Variants in CLEC17A observed in about 807,000 individuals in gnomAD.
The protein encoded by CLEC17A is C-type lectin domain containing 17A, also known as C-type lectin domain family 17, member A.
In CLEC17A, 37 loss-of-function variants were observed where a neutral mutation model predicts 61.3. That is an observed-to-expected ratio of 0.60 (90% confidence interval 0.46 to 0.79). The LOEUF (loss-of-function observed/expected upper bound fraction) is 0.79, where lower values mean the gene tolerates loss of function less well. Among genes scored for constraint, CLEC17A ranks in the 30% least tolerant of loss-of-function variants. CLEC17A has a pLI of 0.00. For synonymous variants in CLEC17A, 168 were observed against 164.9 expected, an observed-to-expected ratio of 1.02 and a Z score of -0.14; for missense variants, 418 against 464.7, an observed-to-expected ratio of 0.90 and a Z score of 0.92.
At chr19:14,600,775 C>G (rs1322463024) in intron 12 of CLEC17A, among the ~76,000 whole-genome samples, 1 of 151,112 alleles carries the variant, frequency 6.6e-6, no homozygotes, top group African/African-American at 2.4e-5. Flanking sequence ...TTAGTAGAGA[C>G]AGGGTTTCAC....
At chr19:14,599,079 CTTTTTT>C (rs796835309) in intron 10 of CLEC17A, among the ~76,000 whole-genome samples, 1,110 of 56,970 alleles carry the variant, frequency 0.019, 25 homozygotes, top group African/African-American at 0.081. Context: ...TGTATCTTTG[CTTTTTT>C]TTTTTTTTTT....
upstream of CLEC17A, among the ~76,000 whole-genome samples, chr19:14,582,752 CG>C (rs2146652769): frequency 6.6e-6 from 1 of 152,132 alleles, no homozygotes; most frequent in South Asian, 2.1e-4. Context: ...GGATTACAGG[CG>C]CCTGCCACTG....
upstream of CLEC17A, among the ~76,000 whole-genome samples, chr19:14,582,433 C>T (rs1021044874): frequency 3.3e-5 from 5 of 151,666 alleles, no homozygotes; most frequent in African/African-American, 9.7e-5. Context: ...AGGATGGTCT[C>T]GATCTCCTGA....
chr19:14,597,282 GGT>G (rs2074574150), intron 10 of CLEC17A, 121 bp downstream of exon 10: 2 of 847,378 alleles, frequency 2.4e-6, no homozygotes, highest in Non-Finnish European at 3.9e-6. Flanking sequence ...GGTACCAGGG[GGT>G]TAAAATGGTA....
At chr19:14,600,674 C>T (rs1221531478) in intron 12 of CLEC17A, among the ~76,000 whole-genome samples, 16 of 151,460 alleles carry the variant, frequency 1.1e-4, no homozygotes, top group South Asian at 4.2e-4. Context: ...CTCCGCCTCC[C>T]GGGTTCACGC....
At chr19:14,582,453 C>A (rs553551925), upstream of CLEC17A, among the ~76,000 whole-genome samples, 2 of 152,126 alleles carry the variant, frequency 1.3e-5, no homozygotes, top group Non-Finnish European at 2.9e-5. Flanking sequence ...ACCTCGTGAT[C>A]TGCCTGTCTC....
chr19:14,606,374 C>CAAAA (rs35346403), intron 12 of CLEC17A, among the ~76,000 whole-genome samples: 1 of 94,726 alleles, frequency 1.1e-5, no homozygotes, highest in Non-Finnish European at 2.2e-5. Context: ...GACCCTGTCT[C>CAAAA]AAAAAAAAAA....
chr19:14,597,376 G>A (rs1265420786), intron 10 of CLEC17A, among the ~76,000 whole-genome samples: 1 of 152,160 alleles, frequency 6.6e-6, no homozygotes, highest in East Asian at 1.9e-4. Context: ...CCAATATGGT[G>A]GCCACAAGCC....
intron 13 of CLEC17A, among the ~76,000 whole-genome samples, chr19:14,609,106 T>G (rs2074983349): frequency 6.6e-6 from 1 of 152,138 alleles, no homozygotes; most frequent in Non-Finnish European, 1.5e-5. Context: ...GGCGGAACAT[T>G]GGCTGCTAAA....
intron 3 of CLEC17A, among the ~76,000 whole-genome samples, chr19:14,589,097 A>C (rs2074356219): frequency 6.6e-6 from 1 of 150,702 alleles, no homozygotes; most frequent in South Asian, 2.1e-4. Flanking sequence ...ATCCAACTTC[A>C]TCACCCTCTC....
intron 13 of CLEC17A, 64 bp from the exon 14 acceptor site, chr19:14,610,000 T>C: frequency 8.2e-7 from 1 of 1,213,164 alleles, no homozygotes; most frequent in Non-Finnish European, 1.2e-6. Flanking sequence ...ATTACAGTAT[T>C]ATACAGAAGA....
intron 10 of CLEC17A, 144 bp downstream of exon 10, chr19:14,597,305 A>G (rs2074574807): frequency 5.4e-6 from 4 of 737,290 alleles, no homozygotes; most frequent in African/African-American, 1.7e-5. Context: ...AACATGTCAG[A>G]CACAGTCTTT....
In CLEC17A at chr19:14,583,351, T is replaced by C. The variant is rs2074209985; in HGVS notation, c.44-6T>C. The C allele has an allele frequency of 3.7e-6, 6 of 1,609,288 alleles. No homozygotes were observed. Among genetic ancestry groups the C allele is most frequent in the East Asian group, 2.2e-5 (1 of 44,710 alleles). On this transcript the variant is annotated splice_region_variant and splice_polypyrimidine_tract_variant and intron_variant, in intron 1 of 13. Transcript: ENST00000417570. Reference sequence around the variant, plus strand: ...GCTGGGCTCTGACTTGCCTTTCCCCTGGAAGGGACCATGGAGGAGGAGGAG... The same window carrying C: ...GCTGGGCTCTGACTTGCCTTTCCCCCGGAAGGGACCATGGAGGAGGAGGAG...
chr19:14,591,768 G>A (rs1363879761), intron 3 of CLEC17A, among the ~76,000 whole-genome samples: 10 of 151,496 alleles, frequency 6.6e-5, no homozygotes, highest in Non-Finnish European at 1.3e-4. Context: ...TGGTTGCCCA[G>A]GCTGATCTCG....
At chr19:14,599,962 G>A in intron 11 of CLEC17A, 69 bp from the exon 12 acceptor site, 2 of 1,585,158 alleles carry the variant, frequency 1.3e-6, no homozygotes, top group South Asian at 1.2e-5. Context: ...CTGCACAACT[G>A]TACATGGCAT....
chr19:14,596,745 C>A, intron 8 of CLEC17A, 131 bp from the exon 9 acceptor site: 4 of 1,087,192 alleles, frequency 3.7e-6, no homozygotes, highest in Non-Finnish European at 5.2e-6. Flanking sequence ...CCCTCTCTTG[C>A]TGACTTCATC....
chr19:14,583,485 T>C, intron 2 of CLEC17A, 51 bp downstream of exon 2: 1 of 1,609,726 alleles, frequency 6.2e-7, no homozygotes, highest in Non-Finnish European at 8.5e-7. Flanking sequence ...GAATGGGGTC[T>C]CCAGTGGGCA....
At chr19:14,582,514 TA>T (rs1253675944), upstream of CLEC17A, among the ~76,000 whole-genome samples, 1 of 152,110 alleles carries the variant, frequency 6.6e-6, no homozygotes, top group African/African-American at 2.4e-5. Context: ...GCCTGGCCTG[TA>T]AAGCCATTTA....
intron 2 of CLEC17A, 132 bp from the exon 3 acceptor site, chr19:14,587,482 G>A: frequency 3.0e-6 from 4 of 1,351,022 alleles, no homozygotes; most frequent in South Asian, 1.5e-5. Flanking sequence ...GCCAGGCTGG[G>A]GCTGGGGCCC....
Sources: gnomAD v4.1 joint callset for allele counts (sites outside exome capture counted in the v4.1 genomes callset) on GRCh38, gnomAD v4.1.1 for gene constraint, MANE v1.5 for transcripts, NCBI Gene and HGNC (gene_info 2026-07-23, HGNC 2026-07-21) for gene names.